The following RBM47 variants were observed in gnomAD, a reference collection of about 807,000 sequenced individuals.
RBM47 encodes the protein RNA binding motif protein 47.
In RBM47, 21 loss-of-function variants were observed where a neutral mutation model predicts 47.1. The observed-to-expected ratio is 0.45, with a 90% CI of 0.32 to 0.64. The LOEUF is 0.64. Among genes scored for constraint, RBM47 ranks in the 30% least tolerant of loss-of-function variants. The pLI is 0.05. For missense variants in RBM47, 708 were observed against 870.9 expected (o/e 0.81, Z 2.35); for synonymous variants, 375 against 361.7 (o/e 1.04, Z -0.42).
At chr4:40,565,181 G>A (rs925820204) in intron 1 of RBM47, among the ~76,000 whole-genome samples, 3 of 152,184 alleles carry the variant, frequency 2.0e-5, no homozygotes, top group Non-Finnish European at 4.4e-5. Flanking sequence ...GATCCCAAAT[G>A]GCATTTTCAT....
chr4:40,487,836 GA>G (rs1721316719), intron 2 of RBM47, among the ~76,000 whole-genome samples: 1 of 152,270 alleles, frequency 6.6e-6, no homozygotes, highest in African/African-American at 2.4e-5. Flanking sequence ...ATAGACCAAA[GA>G]AAGCTGGTTA....
chr4:40,530,022 G>C (rs567163393), intron 2 of RBM47, among the ~76,000 whole-genome samples: 14 of 107,168 alleles, frequency 1.3e-4, no homozygotes, highest in African/African-American at 4.8e-4. Context: ...TGCAACCTCC[G>C]CTTCCCGGGT....
At chr4:40,474,949 C>T (rs1719398288) in intron 2 of RBM47, among the ~76,000 whole-genome samples, 1 of 152,154 alleles carries the variant, frequency 6.6e-6, no homozygotes, top group African/African-American at 2.4e-5. Flanking sequence ...AAATGCTATT[C>T]AAATTGCTCC....
chr4:40,443,096 G>A (rs1251771460), intron 3 of RBM47, among the ~76,000 whole-genome samples: 1 of 152,130 alleles, frequency 6.6e-6, no homozygotes, highest in East Asian at 1.9e-4. Context: ...ACTTATATAA[G>A]GTACCTAGAG....
In RBM47 at chr4:40,438,403, C is replaced by T; in HGVS notation, c.491G>A (p.Arg164His). The T allele has an allele frequency of 1.2e-6, 2 of 1,613,322 alleles. No homozygotes were observed. The highest frequency in any genetic ancestry group is 1.7e-6 in the Non-Finnish European group (2 of 1,180,002). ...GGCAATCTCCTCCAGGATTTCCTCGCGCTTCTTCATCTTGGGGATCCCGCC... is the reference window on the plus strand; with the variant it reads ...GGCAATCTCCTCCAGGATTTCCTCGTGCTTCTTCATCTTGGGGATCCCGCC... Reference protein sequence around the residue: ...FIGGIPKMKKREEILEEIAKV... With the variant: ...FIGGIPKMKKHEEILEEIAKV... Residue 164 changes from arginine to histidine, a missense_variant, in exon 4 of 7, where the codon CGC becomes CAC. Arg to His is a conservative substitution (Grantham distance 29). Coordinates refer to ENST00000295971, the MANE Select transcript of RBM47 (RefSeq NM_001098634.2).
chr4:40,558,699 A>G (rs1408888611), intron 1 of RBM47, among the ~76,000 whole-genome samples: 1 of 151,672 alleles, frequency 6.6e-6, no homozygotes, highest in Non-Finnish European at 1.5e-5. Flanking sequence ...GTGGTGGTGG[A>G]CACCTGTAGT....
At chr4:40,431,134 G>C (rs1486004125) in intron 6 of RBM47, among the ~76,000 whole-genome samples, 1 of 152,092 alleles carries the variant, frequency 6.6e-6, no homozygotes, top group African/African-American at 2.4e-5. Context: ...TTGGATAAGG[G>C]ATCCTGGGCC....
intron 2 of RBM47, among the ~76,000 whole-genome samples, chr4:40,483,199 C>A (rs1403308598): frequency 3.3e-5 from 5 of 152,140 alleles, no homozygotes; most frequent in Non-Finnish European, 7.4e-5. Flanking sequence ...CAAATCGTTT[C>A]GACACAATGA....
intron 3 of RBM47, among the ~76,000 whole-genome samples, chr4:40,459,484 T>C (rs1480170999): frequency 2.0e-5 from 3 of 152,070 alleles, no homozygotes; most frequent in African/African-American, 4.8e-5. Flanking sequence ...GAGGATTGCT[T>C]GAGCCTAGGA....
chr4:40,436,002 CA>C (rs11452583), intron 5 of RBM47, among the ~76,000 whole-genome samples: 7,123 of 111,278 alleles, frequency 0.064, 217 homozygotes, highest in African/African-American at 0.082. Flanking sequence ...ACTAAAAATA[CA>C]AAAAAAAAAA....
Position 40,436,535 on chromosome 4 carries a change from A to T in RBM47, c.1236T>A (p.His412Gln). The T allele has an allele frequency of 6.2e-7, 1 of 1,614,134 alleles. No homozygotes were observed. Among genetic ancestry groups the T allele is most frequent in the South Asian group, 1.1e-5 (1 of 91,084 alleles). Reference protein sequence around the residue: ...SAGRGIYSRYHEGKGKQQEKG... With the variant: ...SAGRGIYSRYQEGKGKQQEKG... Reference sequence around the variant, plus strand: ...TTTCTTGCTGCTTTCCTTTCCCTTCATGATATCGGCTATATATACCACGAC... The same window carrying T: ...TTTCTTGCTGCTTTCCTTTCCCTTCTTGATATCGGCTATATATACCACGAC... Residue 412 changes from histidine (H) to glutamine (Q), a missense_variant, in exon 5 of 7, where the codon CAT (histidine) becomes CAA (glutamine). By Grantham distance (24) the His-to-Gln change is conservative (BLOSUM62 0). Transcript: ENST00000295971.
intron 1 of RBM47, among the ~76,000 whole-genome samples, chr4:40,595,264 G>C (rs145155513): frequency 0.038 from 5,853 of 152,256 alleles, 153 homozygotes; most frequent in Middle Eastern, 0.11. Context: ...GGGAGGCTGA[G>C]GCAGCAGATC....
At chr4:40,527,211 C>A in intron 2 of RBM47, among the ~76,000 whole-genome samples, 1 of 152,116 alleles carries the variant, frequency 6.6e-6, no homozygotes, top group Non-Finnish European at 1.5e-5. Context: ...CAACCTCCAC[C>A]TCCTGGGTTC....
At chr4:40,613,210 A>C (rs1417174800) in intron 1 of RBM47, among the ~76,000 whole-genome samples, 2 of 152,214 alleles carry the variant, frequency 1.3e-5, no homozygotes, top group African/African-American at 4.8e-5. Context: ...ATACAGTCTT[A>C]ATAAAACATA....
intron 1 of RBM47, among the ~76,000 whole-genome samples, chr4:40,551,913 C>A (rs996816577): frequency 6.6e-6 from 1 of 151,816 alleles, no homozygotes; most frequent in Non-Finnish European, 1.5e-5. Context: ...CCTCCCAAAG[C>A]GCTGGGAATT....
intron 1 of RBM47, among the ~76,000 whole-genome samples, chr4:40,545,112 C>T (rs916465689): frequency 2.8e-5 from 4 of 143,520 alleles, no homozygotes; most frequent in African/African-American, 7.9e-5. Context: ...AGTGCAGTGG[C>T]GAGACCTCAG....
chr4:40,573,026 G>A (rs137954071), intron 1 of RBM47, among the ~76,000 whole-genome samples: 129 of 151,404 alleles, frequency 8.5e-4, no homozygotes, highest in African/African-American at 3.1e-3. Flanking sequence ...GGTGGTAGGT[G>A]CCTGTAATCC....
chr4:40,469,950 G>A (rs761226563), intron 2 of RBM47, among the ~76,000 whole-genome samples: 2 of 152,066 alleles, frequency 1.3e-5, no homozygotes, highest in Non-Finnish European at 2.9e-5. Flanking sequence ...ATTTAATATT[G>A]TTATGTTTGC....
chr4:40,445,102 A>G (rs189771951), intron 3 of RBM47, among the ~76,000 whole-genome samples: 3,621 of 152,026 alleles, frequency 0.024, 69 homozygotes, highest in Middle Eastern at 0.048. Context: ...GTGAAACCCC[A>G]TCTCTACTAA....
Sources: gnomAD v4.1 joint callset for allele counts (sites outside exome capture counted in the v4.1 genomes callset) on GRCh38, gnomAD v4.1.1 for gene constraint, MANE v1.5 for transcripts, NCBI Gene and HGNC (gene_info 2026-07-23, HGNC 2026-07-21) for gene names.